PCDHA9: variants seen among roughly 807,000 people sequenced by gnomAD.
PCDHA9 encodes protocadherin alpha-9.
In PCDHA9, 62 loss-of-function variants were observed where a neutral mutation model predicts 62.0. The ratio of observed to expected loss-of-function variants is 1.00; its 90% CI spans 0.81 to 1.23. PCDHA9 has a LOEUF of 1.23. Ranked by LOEUF, PCDHA9 falls within the 50% of genes most tolerant of loss-of-function variation. PCDHA9 has a pLI of 0.00. For missense variants in PCDHA9, 1,205 were observed against 1,249.8 expected (o/e 0.96, Z 0.54); for synonymous variants, 557 against 567.6 (o/e 0.98, Z 0.27).
chr5:140,857,789 C>T lies in PCDHA9; in HGVS notation c.2394+6900C>T, dbSNP rs576562662. Reference sequence around the variant, plus strand: ...GGGCGGTGCAGTCAGTGAGCTGGTGCTGCGGTCGGTGGTTGCGGGTCACGT... The same window carrying T: ...GGGCGGTGCAGTCAGTGAGCTGGTGTTGCGGTCGGTGGTTGCGGGTCACGT... On this transcript the variant is annotated intron_variant, in intron 1 of 3. Transcript: ENST00000532602. 7.5e-6 allele frequency: 12 copies of T among 1,597,704 alleles called. No homozygotes were observed. In the African/African-American group the frequency reaches 1.5e-4, roughly 20 times the overall value.
At chr5:140,972,001 A>G (rs2096512667) in intron 1 of PCDHA9, among the ~76,000 whole-genome samples, 1 of 152,202 alleles carries the variant, frequency 6.6e-6, no homozygotes, top group African/African-American at 2.4e-5. Context: ...CAATGTTTAT[A>G]TTCCCTTTTA....
chr5:140,994,786 T>C (rs1219918332), intron 3 of PCDHA9, among the ~76,000 whole-genome samples: 4 of 152,086 alleles, frequency 2.6e-5, no homozygotes, highest in Non-Finnish European at 5.9e-5. Context: ...AAGGAAACAA[T>C]GCGTGCATGC....
chr5:140,860,713 A>G (rs2046537417), intron 1 of PCDHA9: 1 of 152,204 alleles, frequency 6.6e-6, no homozygotes, highest in Non-Finnish European at 1.5e-5. Context: ...GTTCTCCATG[A>G]AAAGTTTTTT....
intron 1 of PCDHA9, chr5:140,851,766 T>G: frequency 2.1e-6 from 2 of 968,988 alleles, no homozygotes; most frequent in Non-Finnish European, 2.5e-6. Flanking sequence ...AACATTACCC[T>G]TATGAATTTA....
At chr5:140,871,024 T>A (rs782482530) in intron 1 of PCDHA9, 2 of 1,613,076 alleles carry the variant, frequency 1.2e-6, no homozygotes, top group African/African-American at 1.3e-5. Flanking sequence ...CGAGGCAGAC[T>A]CGCCGCGCCA....
chr5:140,889,978 A>C (rs1326390288), intron 1 of PCDHA9, among the ~76,000 whole-genome samples: 1 of 152,202 alleles, frequency 6.6e-6, no homozygotes, highest in Non-Finnish European at 1.5e-5. Flanking sequence ...TCCAGTCTCC[A>C]GTTGTCTTAG....
At chr5:140,927,183 C>T (rs1554204140) in intron 1 of PCDHA9, 12 of 1,614,160 alleles carry the variant, frequency 7.4e-6, no homozygotes, top group Non-Finnish European at 1.0e-5. Context: ...TCTTGACCTA[C>T]GACCTGGTGC....
chr5:140,928,829 T>C, intron 1 of PCDHA9: 1 of 1,614,170 alleles, frequency 6.2e-7, no homozygotes, highest in Non-Finnish European at 8.5e-7. Context: ...GACCCACCAC[T>C]TTCCTCCTCT....
intron 1 of PCDHA9, chr5:140,858,025 G>C (rs992119806): frequency 1.9e-6 from 3 of 1,596,952 alleles, no homozygotes; most frequent in Non-Finnish European, 2.6e-6. Context: ...CGTCGCTGAC[G>C]GCCACGGCCA....
At chr5:140,868,986 C>T in intron 1 of PCDHA9, 1 of 1,503,326 alleles carries the variant, frequency 6.7e-7, no homozygotes. Flanking sequence ...TACCGGATGC[C>T]ACCGTTTAAG....
At position 141,009,931 on chromosome 5, in the gene PCDHA9, C is replaced by T. The variant is rs2098415407; in HGVS notation, c.2847C>T (p.Asp949=). ...EKGNSTTDNS[D]Q ...GGAACAGCACGACTGACAACAGTGA[C>T]CAGTGAGGTCCTCAAATGGAAACAA... Residue 949 remains aspartate (D), a synonymous_variant, in exon 4 of 4, where the codon GAC becomes GAT. Transcript: ENST00000532602. The T allele has an allele frequency of 6.2e-7, 1 of 1,601,706 alleles. No individual in the cohort carries two copies. The highest frequency in any genetic ancestry group is 8.5e-7 in the Non-Finnish European group (1 of 1,175,864).
intron 1 of PCDHA9, among the ~76,000 whole-genome samples, chr5:140,937,247 C>T (rs1370735573): frequency 6.6e-6 from 1 of 151,974 alleles, no homozygotes; most frequent in Non-Finnish European, 1.5e-5. Context: ...CCGTGTTAGC[C>T]AGGATGGTCT....
intron 1 of PCDHA9, among the ~76,000 whole-genome samples, chr5:140,969,715 A>G (rs1312398688): frequency 6.6e-6 from 1 of 152,082 alleles, no homozygotes; most frequent in Non-Finnish European, 1.5e-5. Context: ...CTACAGGGAA[A>G]TTTTTCTTTT....
At position 140,848,874 on chromosome 5, in the gene PCDHA9, A is replaced by G. The variant is rs2040648635; in HGVS notation, c.379A>G (p.Asn127Asp). Reference sequence around the variant, plus strand: ...TGTGGACGTGGAGGTGAAGGACATTAACGACAACCCTCCAGTGTTCCCAGC... The same window carrying G: ...TGTGGACGTGGAGGTGAAGGACATTGACGACAACCCTCCAGTGTTCCCAGC... ...FHVDVEVKDI[N>D]DNPPVFPATQ... The change falls in exon 1 of 4, where the codon AAC becomes GAC. Residue 127 changes from asparagine to aspartate, a missense_variant. Asn to Asp is a conservative substitution (Grantham distance 23, BLOSUM62 1). Around this residue, in one of 3 missense-constraint regions of PCDHA9, gnomAD observed 208 missense variants for 213.2 expected, o/e 0.98. Transcript: ENST00000532602. The G allele has an allele frequency of 1.3e-6, 2 of 1,590,884 alleles. No homozygotes were observed. The highest frequency in any genetic ancestry group is 2.2e-5 in the East Asian group (1 of 44,814).
At chr5:140,942,422 G>C (rs1445298712) in intron 1 of PCDHA9, among the ~76,000 whole-genome samples, 3 of 150,866 alleles carry the variant, frequency 2.0e-5, no homozygotes, top group Non-Finnish European at 4.4e-5. Context: ...AAAAAAAAAA[G>C]ATATCTAACA....
intron 1 of PCDHA9, chr5:140,852,235 C>A: frequency 1.8e-6 from 1 of 570,324 alleles, no homozygotes; most frequent in Non-Finnish European, 2.3e-6. Flanking sequence ...TAAATTTTCC[C>A]TTAAAACACA....
chr5:140,883,142 G>A (rs150205860), intron 1 of PCDHA9: 1 of 1,614,004 alleles, frequency 6.2e-7, no homozygotes, highest in South Asian at 1.1e-5. Flanking sequence ...AGTGGTATAT[G>A]CATTTACCAT....
Position 140,850,649 on chromosome 5 carries a change from C to T in PCDHA9, c.2154C>T (p.Tyr718=), listed in dbSNP as rs1413606456. The T allele has an allele frequency of 2.5e-6, 4 of 1,598,500 alleles. 1 individual carries two copies. Among genetic ancestry groups the T allele is most frequent in the Non-Finnish European group, 2.6e-6 (3 of 1,167,902 alleles). The part of the protein sequence containing the change: ...SSLLVLTLLL[Y]TVLRCSAMPT... ...TGTTGGTTCTCACGCTGCTGCTGTA[C>T]ACTGTGCTGCGGTGCTCGGCGATGC... The change falls in exon 1 of 4, where the codon TAC becomes TAT. Residue 718 remains tyrosine (Y), a synonymous_variant. Transcript: ENST00000532602.
At chr5:141,000,079 G>A (rs1233130123) in intron 3 of PCDHA9, among the ~76,000 whole-genome samples, 2 of 152,102 alleles carry the variant, frequency 1.3e-5, no homozygotes, top group Non-Finnish European at 2.9e-5. Flanking sequence ...CACAATGCTA[G>A]GCCTGTGAAT....
Sources: allele counts gnomAD v4.1 joint callset (sites outside exome capture counted in the v4.1 genomes callset), GRCh38; gene constraint gnomAD v4.1.1; regional missense constraint gnomAD v4.1.1; transcripts MANE v1.5; gene names NCBI Gene and HGNC (gene_info 2026-07-23, HGNC 2026-07-21).